Variants in EVC2 observed in about 807,000 individuals in gnomAD.
The protein encoded by EVC2 is EvC ciliary complex subunit 2.
Under a neutral mutation model 149.3 loss-of-function variants are expected in EVC2, and 148 were observed. That is an observed-to-expected ratio of 0.99 (90% confidence interval 0.87 to 1.14). The LOEUF is 1.14. Among genes scored for constraint, EVC2 ranks in the 50% most tolerant of loss-of-function variants. The pLI is 0.00. For missense variants in EVC2, 1,854 were observed against 1,627.3 expected, an observed-to-expected ratio of 1.14 and a Z score of -2.40; for synonymous variants, 776 against 649.9, an observed-to-expected ratio of 1.19 and a Z score of -2.95.
rs770075758 is a variant in EVC2 at position 5,576,428 on chromosome 4, C to T, written c.3084G>A (p.Leu1028=). ...CCTCCTGCTGCACCAGCTGGTCCTC[C>T]AGCTTCCTCTCCAACTCCTGGAGCT... The part of the protein sequence containing the change: ...SRELQELERK[L]EDQLVQQEAA... Residue 1028 remains leucine, a synonymous_variant, in exon 18 of 22, where the codon CTG becomes CTA. Coordinates refer to ENST00000344408, the MANE Select transcript of EVC2 (RefSeq NM_147127.5). This position sits in a 1 kb window ranked among gnomAD's most constrained non-coding sequence, Gnocchi z 4.5. The T allele has an allele frequency of 6.2e-7, 1 of 1,607,948 alleles. No homozygotes were observed.
intron 7 of EVC2, among the ~76,000 whole-genome samples, chr4:5,672,912 G>A (rs1044147104): frequency 6.6e-6 from 1 of 152,224 alleles, no homozygotes; most frequent in Non-Finnish European, 1.5e-5. Flanking sequence ...CACGTACTGT[G>A]TGATTCCACT....
In EVC2 at chr4:5,569,222, G is replaced by T. The variant is rs1213255718; in HGVS notation, c.3361-582C>A. Reference sequence around the variant, plus strand: ...AGACTTGGAACTGGAGAGCGGCAGTGGATGCCAGGTGTGGGGCAGGGGAGG... The same window carrying T: ...AGACTTGGAACTGGAGAGCGGCAGTTGATGCCAGGTGTGGGGCAGGGGAGG... On this transcript the variant is annotated intron_variant, in intron 19 of 21. Transcript: ENST00000344408. This position sits in a 1 kb window ranked among gnomAD's most constrained non-coding sequence, Gnocchi z 4.8. Among the ~76,000 whole-genome samples, 1 of 152,236 alleles carries T rather than the reference G, an allele frequency of 6.6e-6. No individual in the cohort carries two copies. The highest frequency in any genetic ancestry group is 1.5e-5 in the Non-Finnish European group (1 of 68,040).
At chr4:5,542,232 A>G (rs1480076460), downstream of EVC2, among the ~76,000 whole-genome samples, 1 of 152,172 alleles carries the variant, frequency 6.6e-6, no homozygotes, top group Non-Finnish European at 1.5e-5. Context: ...TGGGAGGATC[A>G]CTTGAGCCCA....
At chr4:5,681,512 G>A (rs1477781892) in intron 6 of EVC2, among the ~76,000 whole-genome samples, 199 bp from the exon 7 acceptor site, 7 of 152,118 alleles carry the variant, frequency 4.6e-5, no homozygotes, top group African/African-American at 1.2e-4. Flanking sequence ...ACTGGAGGCC[G>A]TGTGAAATCC....
intron 18 of EVC2, among the ~76,000 whole-genome samples, chr4:5,575,198 C>T (rs116219809): frequency 2.2e-3 from 340 of 152,304 alleles, no homozygotes; most frequent in Middle Eastern, 6.8e-3. Context: ...GGCTTCCTGA[C>T]GCCCACACGA....
chr4:5,683,016 A>G (rs1720454409), intron 6 of EVC2, among the ~76,000 whole-genome samples: 1 of 152,184 alleles, frequency 6.6e-6, no homozygotes, highest in Non-Finnish European at 1.5e-5. Flanking sequence ...TCCATGCCCT[A>G]CAGATGTTAT....
In EVC2 at chr4:5,640,990, A is replaced by G; in HGVS notation, c.1146-152T>C. 1 of 856,030 alleles carries G rather than the reference A, an allele frequency of 1.2e-6. No homozygotes were observed. Among genetic ancestry groups the G allele is most frequent in the Admixed American group, 2.2e-5 (1 of 46,314 alleles). The allele number at this position is 856,030 out of a possible 1,614,324, so 53.0% of individuals were successfully genotyped here. A position where few individuals can be genotyped will look rare whatever the true frequency, so the allele number is the denominator to read the frequency against. On this transcript the variant is annotated intron_variant, in intron 9 of 21. Coordinates refer to ENST00000344408, the MANE Select transcript of EVC2 (RefSeq NM_147127.5). The surrounding 1 kb of genome is among the most constrained non-coding windows in gnomAD (Gnocchi z 4.6). ...TTCCCCGCTCACTTCTGCTTCATCC[A>G]GTTATTGAAGGCCATTAGCTGACTC... is the stretch of plus-strand genomic sequence containing the variant.
rs540343902 is a variant in EVC2 at position 5,601,531 on chromosome 4, A to C, written c.2829+13891T>G. Among the ~76,000 whole-genome samples the C allele has an allele frequency of 4.6e-5, 7 of 152,102 alleles. No homozygotes were observed. In the East Asian group the frequency reaches 5.8e-4, roughly 13 times the overall value. ...ATAGTAAAAAAAAGGAAAAAAAAAA[A>C]AACAATGGACGAGAGGTCAACACTG... On this transcript the variant is annotated intron_variant, in intron 16 of 21. Transcript: ENST00000344408.
At chr4:5,653,130 A>G (rs1234364181) in intron 9 of EVC2, among the ~76,000 whole-genome samples, 1 of 152,062 alleles carries the variant, frequency 6.6e-6, no homozygotes, top group Admixed American at 6.6e-5. Context: ...CTACGTCCAG[A>G]TTTCCCTCTT....
At chr4:5,685,512 G>C in intron 5 of EVC2, 33 bp from the exon 6 acceptor site, 1 of 1,600,780 alleles carries the variant, frequency 6.2e-7, no homozygotes, top group Non-Finnish European at 8.6e-7. Context: ...GACTCAGGGA[G>C]GGCTTGGCCA....
chr4:5,605,420 T>A (rs891885379), intron 16 of EVC2, among the ~76,000 whole-genome samples: 2 of 152,190 alleles, frequency 1.3e-5, no homozygotes, highest in African/African-American at 2.4e-5. Flanking sequence ...ACCCGTGATG[T>A]GTGAGGGGTC....
At chr4:5,646,583 T>C (rs995344302) in intron 9 of EVC2, among the ~76,000 whole-genome samples, 7 of 152,236 alleles carry the variant, frequency 4.6e-5, no homozygotes, top group Non-Finnish European at 1.0e-4. Context: ...GACATAAAGT[T>C]CATAGAGATG....
At position 5,677,605 on chromosome 4, in the gene EVC2, G is replaced by A. The variant is rs1292642152; in HGVS notation, c.870+3655C>T. 6.6e-6 allele frequency among the ~76,000 whole-genome samples: 1 copy of A among 152,212 alleles called. No individual in the cohort carries two copies. Among genetic ancestry groups the A allele is most frequent in the Admixed American group, 6.5e-5 (1 of 15,288 alleles). On this transcript the variant is annotated intron_variant, in intron 7 of 21. Coordinates refer to ENST00000344408, the MANE Select transcript of EVC2 (RefSeq NM_147127.5). The surrounding 1 kb of genome is among the most constrained non-coding windows in gnomAD (Gnocchi z 4.3). ...CAATTCCATCCATAAGTGAGCCTGC[G>A]GCATCGGGGAAGAGCTCAGAAATAC...
In EVC2 at chr4:5,685,463, A is replaced by T. The variant is rs1720637771; in HGVS notation, c.723T>A (p.Ala241=). 1 of 1,614,202 alleles carries T rather than the reference A, an allele frequency of 6.2e-7. No homozygotes were observed. The highest frequency in any genetic ancestry group is 8.5e-7 in the Non-Finnish European group (1 of 1,180,030). ...CCTGGAGCGTGGCTGCGTAGCTGAC[A>T]GCAAAGGCATCTCCCACTGCGCAGA... ...KKFLQVGDAF[A]VSYAATLQAG... The change falls in exon 6 of 22, where the codon GCT becomes GCA. Residue 241 remains alanine (A), a synonymous_variant. Transcript: ENST00000344408.
chr4:5,599,620 G>A (rs6846633), intron 16 of EVC2, among the ~76,000 whole-genome samples: 1 of 151,882 alleles, frequency 6.6e-6, no homozygotes, highest in Admixed American at 6.6e-5. Context: ...TACCTAATGC[G>A]AAATGACGAG....
intron 19 of EVC2, among the ~76,000 whole-genome samples, chr4:5,571,317 CAAAAAAAA>C (rs1208168465): frequency 1.3e-5 from 1 of 78,506 alleles, no homozygotes; most frequent in African/African-American, 6.0e-5. Flanking sequence ...GACTCCATCT[CAAAAAAAA>C]AAAAAAAAAA....
At chr4:5,585,845 T>C (rs1712233689) in intron 16 of EVC2, among the ~76,000 whole-genome samples, 2 of 152,080 alleles carry the variant, frequency 1.3e-5, no homozygotes, top group African/African-American at 2.4e-5. Context: ...ACATATTTTT[T>C]TATCTAGCTG....
the EVC2 span, among the ~76,000 whole-genome samples, chr4:5,536,591 T>A: frequency 9.2e-5 from 14 of 152,096 alleles, no homozygotes; most frequent in Non-Finnish European, 1.9e-4. Context: ...GAGACCATCT[T>A]GGCTAACATG....
downstream of EVC2, among the ~76,000 whole-genome samples, chr4:5,559,449 A>G: frequency 6.6e-6 from 1 of 152,204 alleles, no homozygotes; most frequent in Admixed American, 6.5e-5. The surrounding 1 kb of genome is among the most constrained non-coding windows in gnomAD (Gnocchi z 5.0). Context: ...ACTAGGGCTC[A>G]GAGTTTAGTT....
Sources: gnomAD v4.1 joint callset for allele counts (sites outside exome capture counted in the v4.1 genomes callset) on GRCh38, gnomAD v4.1.1 for gene constraint, Gnocchi (gnomAD v3.1) non-coding constraint, MANE v1.5 for transcripts, NCBI Gene and HGNC (gene_info 2026-07-23, HGNC 2026-07-21) for gene names.